The following TMED2 variants were observed in gnomAD, a reference collection of about 807,000 sequenced individuals.
TMED2 encodes the protein transmembrane emp24 domain-containing protein 2.
TMED2 carries 3 observed loss-of-function variants against 17.5 expected under a neutral mutation model. The observed-to-expected ratio is 0.17, with a 90% CI of 0.08 to 0.44. The LOEUF is 0.44. Among genes scored for constraint, TMED2 ranks in the 20% least tolerant of loss-of-function variants. The pLI is 0.99. For synonymous variants in TMED2, 95 were observed against 91.0 expected, an observed-to-expected ratio of 1.04 and a Z score of -0.25; for missense variants, 149 against 254.8, an observed-to-expected ratio of 0.58 and a Z score of 2.83.
chr12:123,586,370 G>C (rs1191842147), intron 1 of TMED2: 1 of 69,990 alleles, frequency 1.4e-5, no homozygotes. Context: ...TTTTTTTTTT[G>C]GACCAAGTCT....
rs943215135 is a variant in TMED2, at chr12:123,597,514, A to G, written c.*785A>G. The G allele has an allele frequency of 9.8e-5, 15 of 152,646 alleles. No individual in the cohort carries two copies. Among genetic ancestry groups the G allele is most frequent in the African/African-American group, 3.6e-4 (15 of 41,466 alleles). 9.5% of individuals were successfully genotyped at this position (152,646 alleles called of 1,614,324 possible). A position where few individuals can be genotyped will look rare whatever the true frequency, so the allele number is the denominator to read the frequency against. ...CTCCCACTCTTGGCATGTAAGAAAT[A>G]AGCATTTACATAATTGGAAAAATCT... On this transcript the variant is annotated 3_prime_UTR_variant, in exon 4 of 4. Coordinates refer to ENST00000262225, the MANE Select transcript of TMED2 (RefSeq NM_006815.4).
At chr12:123,588,324 A>T (rs753702922) in intron 2 of TMED2, among the ~76,000 whole-genome samples, 7 of 152,150 alleles carry the variant, frequency 4.6e-5, no homozygotes, top group Non-Finnish European at 8.8e-5. Context: ...TGTTAACATC[A>T]TAAAGAAGCT....
chr12:123,594,629 T>C (rs889271593), intron 3 of TMED2, among the ~76,000 whole-genome samples: 2 of 151,856 alleles, frequency 1.3e-5, no homozygotes, highest in African/African-American at 2.4e-5. Flanking sequence ...GGCTCATGCC[T>C]ATAATCCCAG....
rs1421306646 is a variant in TMED2 at position 123,584,810 on chromosome 12, C to T, written c.174C>T (p.Asp58=). ...CGGAGGGCGGCTTCCTGGACATCGA[C>T]GTGGAGGTGCGGGCTAGCTGCCCGC... The part of the protein sequence containing the change: ...EVAEGGFLDI[D]VEITGPDNKG... Residue 58 remains aspartate, a synonymous_variant, in exon 1 of 4, where the codon GAC becomes GAT. Coordinates refer to ENST00000262225, the MANE Select transcript of TMED2 (RefSeq NM_006815.4). The T allele has an allele frequency of 6.2e-7, 1 of 1,609,466 alleles. No individual in the cohort carries two copies. The highest frequency in any genetic ancestry group is 1.1e-5 in the South Asian group (1 of 91,076).
rs2043873591 is a variant in TMED2 at position 123,586,992 on chromosome 12, TC to T, written c.373+54del. The stretch of plus-strand genomic sequence containing the variant: ...TCACATTCCAAGAGCTAATTTTAGT[TC>T]TATACATTTTTACCTGTCTGAGTGG... On this transcript the variant is annotated intron_variant, in intron 2 of 3. Coordinates refer to ENST00000262225, the MANE Select transcript of TMED2 (RefSeq NM_006815.4). 8 of 1,474,474 alleles carry T rather than the reference TC, an allele frequency of 5.4e-6. No homozygotes were observed. In the Admixed American group the frequency reaches 1.9e-4, roughly 35 times the overall value. 91.3% of individuals were successfully genotyped at this position (1,474,474 alleles called of 1,614,324 possible).
intron 2 of TMED2, 35 bp downstream of exon 2, chr12:123,586,974 C>A (rs1404023657): frequency 2.0e-6 from 3 of 1,522,812 alleles, no homozygotes; most frequent in Non-Finnish European, 2.7e-6. Flanking sequence ...ACATCACATT[C>A]CAAGAGCTAA....
In TMED2 at chr12:123,584,805, A is replaced by G; in HGVS notation, c.169A>G (p.Ile57Val). The G allele has an allele frequency of 6.2e-7, 1 of 1,610,336 alleles. No individual in the cohort carries two copies. The highest frequency in any genetic ancestry group is 8.5e-7 in the Non-Finnish European group (1 of 1,179,812). ...GGTGGCGGAGGGCGGCTTCCTGGAC[A>G]TCGACGTGGAGGTGCGGGCTAGCTG... Reference protein sequence around the residue: ...FEVAEGGFLDIDVEITGPDNK... With the variant: ...FEVAEGGFLDVDVEITGPDNK... Residue 57 changes from isoleucine (I) to valine (V), a missense_variant, in exon 1 of 4, where the codon ATC becomes GTC. Physicochemically the swap from Ile to Val is conservative, Grantham distance 29 (BLOSUM62 3). Transcript: ENST00000262225.
At chr12:123,584,958 C>G (rs988245477) in intron 1 of TMED2, 142 bp downstream of exon 1, 53 of 1,042,942 alleles carry the variant, frequency 5.1e-5, no homozygotes, top group Admixed American at 2.3e-4. Flanking sequence ...GCCGCCACCC[C>G]CCGCCCCGCC....
intron 1 of TMED2, 105 bp from the exon 2 acceptor site, chr12:123,586,642 G>A (rs905827839): frequency 8.2e-7 from 1 of 1,223,972 alleles, no homozygotes; most frequent in Admixed American, 3.0e-5. Context: ...GAGCCACCAT[G>A]CCCAGCCATA....
chr12:123,588,101 A>C (rs1318074403), intron 2 of TMED2, among the ~76,000 whole-genome samples: 1 of 151,254 alleles, frequency 6.6e-6, no homozygotes, highest in Non-Finnish European at 1.5e-5. Context: ...TAGAGTGTTC[A>C]TTGCTCAGGT....
Position 123,597,531 on chromosome 12 carries a change from G to GA in TMED2, c.*807dup, listed in dbSNP as rs1953440255. 2 of 152,578 alleles carry GA rather than the reference G, an allele frequency of 1.3e-5. No homozygotes were observed. The highest frequency in any genetic ancestry group is 4.8e-5 in the African/African-American group (2 of 41,434). The allele number at this position is 152,578 out of a possible 1,614,324, so 9.5% of individuals were successfully genotyped here. Reference sequence around the variant, plus strand: ...TAAGAAATAAGCATTTACATAATTGGAAAAATCTGGATTTCTGATGCCAAA... The same window carrying GA: ...TAAGAAATAAGCATTTACATAATTGGAAAAAATCTGGATTTCTGATGCCAAA... On this transcript the variant is annotated 3_prime_UTR_variant, in exon 4 of 4. Transcript: ENST00000262225.
At chr12:123,585,207 C>T (rs1221372371) in intron 1 of TMED2, 2 of 183,924 alleles carry the variant, frequency 1.1e-5, no homozygotes, top group African/African-American at 4.7e-5. Flanking sequence ...CACCTGCCTT[C>T]TTTCGTGTTA....
chr12:123,591,272 G>A (rs1341822689), intron 3 of TMED2, among the ~76,000 whole-genome samples: 1 of 152,186 alleles, frequency 6.6e-6, no homozygotes, highest in East Asian at 1.9e-4. Flanking sequence ...TTGTAAGTTG[G>A]GAATTTGGAA....
In TMED2 at chr12:123,584,632, C is replaced by T; in HGVS notation, c.-5C>T. ...CCGGGTCCTGGCTTCGGCCTCAGCCCCACCATGGTGACGCTTGCTGAACTG... is the reference window on the plus strand; with the variant it reads ...CCGGGTCCTGGCTTCGGCCTCAGCCTCACCATGGTGACGCTTGCTGAACTG... On this transcript the variant is annotated 5_prime_UTR_variant, in exon 1 of 4. Coordinates refer to ENST00000262225, the MANE Select transcript of TMED2 (RefSeq NM_006815.4). The T allele has an allele frequency of 6.2e-7, 1 of 1,609,616 alleles. No individual in the cohort carries two copies. Among genetic ancestry groups the T allele is most frequent in the Non-Finnish European group, 8.5e-7 (1 of 1,179,428 alleles).
Position 123,590,478 on chromosome 12 carries a change from T to C in TMED2, c.481+29T>C, listed in dbSNP as rs756677603. 4.6e-6 allele frequency: 7 copies of C among 1,532,274 alleles called. No homozygotes were observed. The African/African-American group carries it at 5.6e-5, about 12-fold the overall frequency. The allele number at this position is 1,532,274 out of a possible 1,614,324, so 94.9% of individuals were successfully genotyped here. A position where few individuals can be genotyped will look rare whatever the true frequency, so the allele number is the denominator to read the frequency against. On this transcript the variant is annotated intron_variant, in intron 3 of 3. Coordinates refer to ENST00000262225, the MANE Select transcript of TMED2 (RefSeq NM_006815.4). ...AGTGAATGCCGTCACTTTGCAGCAG[T>C]GTCTGATGGTGAAGGTTGTTTTACT...
chr12:123,584,608 C>G lies in TMED2; in HGVS notation c.-29C>G. The G allele has an allele frequency of 1.3e-6, 2 of 1,597,420 alleles. No individual in the cohort carries two copies. Among genetic ancestry groups the G allele is most frequent in the Non-Finnish European group, 1.7e-6 (2 of 1,175,624 alleles). On this transcript the variant is annotated 5_prime_UTR_variant, in exon 1 of 4. Transcript: ENST00000262225. ...GGCGGCGGCTGTGGAGGCCGCAGTCCGGGTCCTGGCTTCGGCCTCAGCCCC... is the reference window on the plus strand; with the variant it reads ...GGCGGCGGCTGTGGAGGCCGCAGTCGGGGTCCTGGCTTCGGCCTCAGCCCC...
intron 2 of TMED2, among the ~76,000 whole-genome samples, chr12:123,589,524 C>T (rs2135661153): frequency 6.6e-6 from 1 of 152,242 alleles, no homozygotes; most frequent in Admixed American, 6.5e-5. Context: ...TAACAACATT[C>T]CATTAGAAGA....
intron 2 of TMED2, chr12:123,587,600 CTT>C (rs1351849821): frequency 7.8e-7 from 1 of 1,277,378 alleles, no homozygotes; most frequent in African/African-American, 1.5e-5. Flanking sequence ...GATATCTTAA[CTT>C]TTCTTTAGGT....
chr12:123,585,133 C>T (rs1285944062), intron 1 of TMED2: 1 of 283,904 alleles, frequency 3.5e-6, no homozygotes, highest in Non-Finnish European at 6.9e-6. Context: ...CGCCGCGTGT[C>T]AGTCCGGGCC....
Sources: allele counts gnomAD v4.1 joint callset (sites outside exome capture counted in the v4.1 genomes callset), GRCh38; gene constraint gnomAD v4.1.1; transcripts MANE v1.5; gene names NCBI Gene and HGNC (gene_info 2026-07-23, HGNC 2026-07-21).